The following EIF2S1 variants were observed in gnomAD, a reference collection of about 807,000 sequenced individuals.
EIF2S1 encodes eukaryotic translation initiation factor 2 subunit 1.
In EIF2S1, 5 loss-of-function variants were observed where a neutral mutation model predicts 33.5. The observed-to-expected ratio is 0.15, with a 90% confidence interval of 0.08 to 0.31. EIF2S1 has a LOEUF of 0.31. EIF2S1 is among the 10% of genes least tolerant of loss of function. The probability of loss-of-function intolerance (pLI) is 1.00; values close to 1 mark genes in which losing one functional copy is unlikely to be tolerated. For missense variants in EIF2S1, 191 were observed against 384.6 expected, an observed-to-expected ratio of 0.50 and a Z score of 4.21; for synonymous variants, 99 against 127.5, an observed-to-expected ratio of 0.78 and a Z score of 1.51.
intron 2 of EIF2S1, among the ~76,000 whole-genome samples, chr14:67,369,427 C>G (rs954612464): frequency 1.8e-4 from 27 of 152,152 alleles, no homozygotes; most frequent in Admixed American, 1.8e-3. Context: ...GAAGTTTGAA[C>G]AAGCTCTGAA....
chr14:67,374,494 G>C lies in EIF2S1; in HGVS notation c.268G>C (p.Val90Leu). The C allele has an allele frequency of 6.2e-7, 1 of 1,606,254 alleles. No homozygotes were observed. The highest frequency in any genetic ancestry group is 8.5e-7 in the Non-Finnish European group (1 of 1,175,604). ...ATATATTGATTTGTCAAAAAGAAGA[G>C]TTTCTCCAGAGGAAGCAATCAAATG... ...KGYIDLSKRR[V>L]SPEEAIKCED... is the part of the protein sequence containing the mutation. Residue 90 changes from valine to leucine, a missense_variant, in exon 3 of 8, where the codon GTT becomes CTT. Coordinates refer to ENST00000256383, the MANE Select transcript of EIF2S1 (RefSeq NM_004094.5).
intron 2 of EIF2S1, among the ~76,000 whole-genome samples, chr14:67,372,963 T>C (rs995532970): frequency 6.6e-6 from 1 of 152,174 alleles, no homozygotes; most frequent in African/African-American, 2.4e-5. Context: ...ATGTTGAACA[T>C]CATTAGTCAT....
At chr14:67,371,048 A>C (rs72719111) in intron 2 of EIF2S1, among the ~76,000 whole-genome samples, 5,224 of 152,242 alleles carry the variant, frequency 0.034, 109 homozygotes, top group East Asian at 0.06. Flanking sequence ...ACTCTAGGCC[A>C]GATGGTTAAA....
rs1375657054 is a variant in EIF2S1, at chr14:67,382,414, A to C, written c.679-33A>C. On this transcript the variant is annotated intron_variant, in intron 6 of 7. Transcript: ENST00000256383. ...TAATAGTTGTGGGTTCTGTAGGTAC[A>C]TTCATAAATGAATTTTTGTCTTTCT... is the stretch of plus-strand genomic sequence containing the variant. The C allele has an allele frequency of 1.9e-6, 3 of 1,590,478 alleles. No homozygotes were observed. The African/African-American group carries it at 4.1e-5, about 22-fold the overall frequency.
chr14:67,364,749 C>A lies in EIF2S1; in HGVS notation c.-1-18C>A. 1 of 1,587,888 alleles carries A rather than the reference C, an allele frequency of 6.3e-7. No individual in the cohort carries two copies. Among genetic ancestry groups the A allele is most frequent in the Middle Eastern group, 1.7e-4 (1 of 5,980 alleles). Reference sequence around the variant, plus strand: ...ACCTTAACTGAATACTTACTTAATTCTTTTGTTTAAATTGCAGAATGCCGG... The same window carrying A: ...ACCTTAACTGAATACTTACTTAATTATTTTGTTTAAATTGCAGAATGCCGG... On this transcript the variant is annotated intron_variant, in intron 1 of 7. Coordinates refer to ENST00000256383, the MANE Select transcript of EIF2S1 (RefSeq NM_004094.5).
chr14:67,374,219 C>T (rs889461071), intron 2 of EIF2S1, among the ~76,000 whole-genome samples: 1 of 152,076 alleles, frequency 6.6e-6, no homozygotes, highest in Non-Finnish European at 1.5e-5. Context: ...TTTTCAGATT[C>T]GGGATGCTCT....
intron 2 of EIF2S1, among the ~76,000 whole-genome samples, chr14:67,368,246 G>C (rs929261317): frequency 6.6e-6 from 1 of 152,168 alleles, no homozygotes. Flanking sequence ...TGCTTTTGGC[G>C]GGCCTTGGGG....
Position 67,364,789 on chromosome 14 carries a change from T to G in EIF2S1, c.22T>G (p.Phe8Val), listed in dbSNP as rs770040509. The G allele has an allele frequency of 6.2e-7, 1 of 1,613,716 alleles. No individual in the cohort carries two copies. The highest frequency in any genetic ancestry group is 1.3e-5 in the African/African-American group (1 of 75,056). The change falls in exon 2 of 8, where the codon TTT becomes GTT. Residue 8 changes from phenylalanine to valine, a missense_variant. Physicochemically the swap from Phe to Val is conservative, Grantham distance 50. Coordinates refer to ENST00000256383, the MANE Select transcript of EIF2S1 (RefSeq NM_004094.5). ...CAGAATGCCGGGTCTAAGTTGTAGA[T>G]TTTATCAACACAAATTTCCTGAGGT... Reference protein sequence around the residue: MPGLSCRFYQHKFPEVED... With the variant: MPGLSCRVYQHKFPEVED...
At chr14:67,380,133 A>G (rs2085880266) in intron 4 of EIF2S1, among the ~76,000 whole-genome samples, 1 of 152,042 alleles carries the variant, frequency 6.6e-6, no homozygotes, top group South Asian at 2.1e-4. Context: ...TCTTTATTTC[A>G]TATTTTCATT....
At chr14:67,367,462 CT>C (rs1213953802) in intron 2 of EIF2S1, among the ~76,000 whole-genome samples, 2 of 152,206 alleles carry the variant, frequency 1.3e-5, no homozygotes, top group Non-Finnish European at 2.9e-5. Context: ...ATCTCCTGAC[CT>C]TGTGATCCAC....
chr14:67,377,737 C>T (rs1479890322), intron 4 of EIF2S1, among the ~76,000 whole-genome samples: 1 of 152,102 alleles, frequency 6.6e-6, no homozygotes, highest in Non-Finnish European at 1.5e-5. Context: ...CTAGTTTCTT[C>T]CATTTATACT....
intron 2 of EIF2S1, among the ~76,000 whole-genome samples, chr14:67,372,068 C>T (rs28799597): frequency 0.064 from 9,735 of 151,886 alleles, 591 homozygotes; most frequent in African/African-American, 0.16. Flanking sequence ...AGTTCGAGAC[C>T]AGCCTGGGCA....
At chr14:67,373,566 C>G (rs1215903178) in intron 2 of EIF2S1, among the ~76,000 whole-genome samples, 1 of 152,204 alleles carries the variant, frequency 6.6e-6, no homozygotes, top group Non-Finnish European at 1.5e-5. Context: ...ACAAGACATT[C>G]ACTCTCACCA....
intron 2 of EIF2S1, 61 bp downstream of exon 2, chr14:67,365,069 C>T: frequency 1.4e-6 from 2 of 1,468,998 alleles, no homozygotes; most frequent in East Asian, 2.5e-5. Flanking sequence ...TTTAAAAATA[C>T]ATTTTTTGTA....
intron 3 of EIF2S1, 55 bp from the exon 4 acceptor site, chr14:67,376,384 C>T (rs2085857983): frequency 2.0e-6 from 3 of 1,485,122 alleles, no homozygotes; most frequent in Admixed American, 2.3e-5. Context: ...AATGTAAAAA[C>T]ATTTTTTATA....
At chr14:67,366,511 TGGCATTAAC>T (rs1190002025) in intron 2 of EIF2S1, among the ~76,000 whole-genome samples, 3 of 152,256 alleles carry the variant, frequency 2.0e-5, no homozygotes, top group African/African-American at 7.2e-5. Flanking sequence ...TTTGTTTGTA[TGGCATTAAC>T]TAAAACCAGG....
At chr14:67,375,401 C>T (rs1363342723) in intron 3 of EIF2S1, among the ~76,000 whole-genome samples, 1 of 152,060 alleles carries the variant, frequency 6.6e-6, no homozygotes, top group South Asian at 2.1e-4. Context: ...AGATTACAGG[C>T]GTAAGCCAGT....
chr14:67,373,696 T>C (rs1055530420), intron 2 of EIF2S1, among the ~76,000 whole-genome samples: 1 of 152,174 alleles, frequency 6.6e-6, no homozygotes, highest in Non-Finnish European at 1.5e-5. Context: ...TTTCTTCAGG[T>C]TAAAAAGACT....
chr14:67,383,241 G>C, intron 7 of EIF2S1, 74 bp from the exon 8 acceptor site: 1 of 1,495,680 alleles, frequency 6.7e-7, no homozygotes, highest in Non-Finnish European at 9.1e-7. Context: ...AAAACATTAG[G>C]CAGTAATAGT....
Sources: allele counts gnomAD v4.1 joint callset (sites outside exome capture counted in the v4.1 genomes callset), GRCh38; gene constraint gnomAD v4.1.1; transcripts MANE v1.5; gene names NCBI Gene and HGNC (gene_info 2026-07-23, HGNC 2026-07-21).